The following ZHX2 variants were observed in gnomAD, a reference collection of about 807,000 sequenced individuals.
The protein encoded by ZHX2 is zinc fingers and homeoboxes 2.
Under a neutral mutation model 21.9 loss-of-function variants are expected in ZHX2, and 6 were observed. That is an observed-to-expected ratio of 0.27 (90% CI 0.15 to 0.54). The LOEUF is 0.54. Ranked by LOEUF, ZHX2 falls within the 20% of genes least tolerant of loss-of-function variation. The probability of loss-of-function intolerance (pLI) is 0.95; values close to 1 mark genes in which losing one functional copy is unlikely to be tolerated. For synonymous variants in ZHX2, 434 were observed against 437.1 expected, an observed-to-expected ratio of 0.99 and a Z score of 0.09; for missense variants, 908 against 1,090.7, an observed-to-expected ratio of 0.83 and a Z score of 2.36.
chr8:122,783,313 C>A (rs896599195), intron 1 of ZHX2, among the ~76,000 whole-genome samples: 3 of 152,104 alleles, frequency 2.0e-5, no homozygotes, highest in Non-Finnish European at 4.4e-5. Context: ...TGGGACACTG[C>A]CTTTTAGGCC....
chr8:122,876,654 CG>C (rs1332421876), intron 2 of ZHX2, among the ~76,000 whole-genome samples: 1 of 152,144 alleles, frequency 6.6e-6, no homozygotes. Flanking sequence ...TCCACGAGGA[CG>C]GGGTAGCGTG....
chr8:122,844,486 G>A (rs1163746807), intron 1 of ZHX2, among the ~76,000 whole-genome samples: 2 of 152,216 alleles, frequency 1.3e-5, no homozygotes, highest in African/African-American at 4.8e-5. Flanking sequence ...CCTGCAGTCT[G>A]GGATCTGGAA....
At chr8:122,963,887 C>CTTTG (rs1198799279) in intron 3 of ZHX2, among the ~76,000 whole-genome samples, 2 of 149,628 alleles carry the variant, frequency 1.3e-5, no homozygotes, top group East Asian at 3.9e-4. Flanking sequence ...GTTGTTGTTT[C>CTTTG]TTTGTTTGTT....
intron 2 of ZHX2, among the ~76,000 whole-genome samples, chr8:122,873,625 A>T (rs1368974092): frequency 6.6e-6 from 1 of 152,174 alleles, no homozygotes; most frequent in Non-Finnish European, 1.5e-5. Context: ...TGCAGACAAC[A>T]ATGTATTTGA....
At chr8:122,971,034 C>T (rs1813707434) in intron 3 of ZHX2, among the ~76,000 whole-genome samples, 1 of 152,240 alleles carries the variant, frequency 6.6e-6, no homozygotes, top group Non-Finnish European at 1.5e-5. Context: ...TCACCACTCA[C>T]TGGTTACCTA....
chr8:122,917,853 T>C, intron 2 of ZHX2, among the ~76,000 whole-genome samples: 1 of 152,146 alleles, frequency 6.6e-6, no homozygotes, highest in East Asian at 1.9e-4. Context: ...CCACTGTGCA[T>C]TCCTCACCCA....
chr8:122,835,779 C>T (rs866740247), intron 1 of ZHX2, among the ~76,000 whole-genome samples: 1 of 152,140 alleles, frequency 6.6e-6, no homozygotes, highest in South Asian at 2.1e-4. Context: ...ATAAAAAGGC[C>T]TGGACATAAG....
chr8:122,931,059 C>A (rs1049043227), intron 2 of ZHX2, among the ~76,000 whole-genome samples: 2 of 152,118 alleles, frequency 1.3e-5, no homozygotes, highest in Non-Finnish European at 2.9e-5. Context: ...TGCCAATAAC[C>A]CCCCAGCCTA....
intron 1 of ZHX2, among the ~76,000 whole-genome samples, chr8:122,822,592 G>A (rs1295802695): frequency 1.3e-5 from 2 of 152,210 alleles, no homozygotes; most frequent in African/African-American, 4.8e-5. Flanking sequence ...GGTGACGAGA[G>A]CCTCCCAAGC....
intron 2 of ZHX2, among the ~76,000 whole-genome samples, chr8:122,929,653 A>G (rs1024259287): frequency 2.0e-5 from 3 of 152,046 alleles, no homozygotes; most frequent in African/African-American, 7.2e-5. Context: ...AAAAAAAAAA[A>G]AAAGACAGTT....
intron 2 of ZHX2, among the ~76,000 whole-genome samples, chr8:122,919,163 C>T (rs16897663): frequency 0.022 from 3,403 of 152,280 alleles, 114 homozygotes; most frequent in African/African-American, 0.076. Context: ...GCTAATCTCT[C>T]GCTTCATCCA....
chr8:122,836,535 T>G (rs34478259), intron 1 of ZHX2, among the ~76,000 whole-genome samples: 16,225 of 152,152 alleles, frequency 0.11, 909 homozygotes, highest in Non-Finnish European at 0.12. Flanking sequence ...TGGAGCAACA[T>G]GCTGTTTTAA....
chr8:122,782,360 T>G lies in ZHX2; in HGVS notation c.-283+414T>G, dbSNP rs1817305684. 6.6e-6 allele frequency among the ~76,000 whole-genome samples: 1 copy of G among 152,164 alleles called. No homozygotes were observed. The highest frequency in any genetic ancestry group is 2.4e-5 in the African/African-American group (1 of 41,448). ...GTTACGTAGACCCGACTGTTTTTAT[T>G]TATTTATTTCGTGGCCGTCTCCCTC... On this transcript the variant is annotated intron_variant, in intron 1 of 3. Coordinates refer to ENST00000314393, the MANE Select transcript of ZHX2 (RefSeq NM_014943.5). The surrounding 1 kb of genome is among the most constrained non-coding windows in gnomAD (Gnocchi z 5.3).
chr8:122,850,639 CA>C (rs60682747), intron 1 of ZHX2, among the ~76,000 whole-genome samples: 8,795 of 114,062 alleles, frequency 0.077, 375 homozygotes, highest in African/African-American at 0.15. Context: ...GACTCTGTCT[CA>C]AAAAAAAAAA....
At chr8:122,937,130 C>T (rs577497607) in intron 2 of ZHX2, among the ~76,000 whole-genome samples, 2 of 152,336 alleles carry the variant, frequency 1.3e-5, no homozygotes, top group South Asian at 2.1e-4. Flanking sequence ...ACCGGGGAGG[C>T]CCAGGGCTCA....
chr8:122,869,450 C>T (rs1435945017), intron 2 of ZHX2, among the ~76,000 whole-genome samples: 1 of 152,146 alleles, frequency 6.6e-6, no homozygotes, highest in Non-Finnish European at 1.5e-5. Flanking sequence ...GCCTCAGCTT[C>T]CCAAGTACCT....
At chr8:122,908,108 G>A (rs4513978) in intron 2 of ZHX2, among the ~76,000 whole-genome samples, 3,672 of 152,216 alleles carry the variant, frequency 0.024, 144 homozygotes, top group African/African-American at 0.084. Context: ...GACAATCCTC[G>A]CCCCGCCCAA....
At chr8:122,805,451 A>G (rs1327109658) in intron 1 of ZHX2, among the ~76,000 whole-genome samples, 1 of 152,182 alleles carries the variant, frequency 6.6e-6, no homozygotes, top group African/African-American at 2.4e-5. Context: ...ACAGGTACCG[A>G]CAGTTAGAAG....
At chr8:122,873,582 T>C (rs1392724432) in intron 2 of ZHX2, among the ~76,000 whole-genome samples, 1 of 152,202 alleles carries the variant, frequency 6.6e-6, no homozygotes, top group Non-Finnish European at 1.5e-5. Flanking sequence ...CTTCAGGTGA[T>C]GCTCCCACTC....
Sources: allele counts gnomAD v4.1 joint callset (sites outside exome capture counted in the v4.1 genomes callset), GRCh38; gene constraint gnomAD v4.1.1; non-coding constraint Gnocchi (gnomAD v3.1); transcripts MANE v1.5; gene names NCBI Gene and HGNC (gene_info 2026-07-23, HGNC 2026-07-21).